PDS5A: variants seen among roughly 807,000 people sequenced by gnomAD.
The protein encoded by PDS5A is sister chromatid cohesion protein PDS5 homolog A.
Under a neutral mutation model 167.1 loss-of-function variants are expected in PDS5A, and 42 were observed. The ratio of observed to expected loss-of-function variants is 0.25; its 90% CI spans 0.20 to 0.33. The LOEUF is 0.33. Ranked by LOEUF, PDS5A falls within the 10% of genes least tolerant of loss-of-function variation. PDS5A has a pLI of 1.00. For synonymous variants in PDS5A, 553 were observed against 554.6 expected (o/e 1.00, Z 0.04); for missense variants, 1,033 against 1,605.9 (o/e 0.64, Z 6.10).
At chr4:39,836,473 C>T (rs1290790741) in intron 32 of PDS5A, among the ~76,000 whole-genome samples, 2 of 152,148 alleles carry the variant, frequency 1.3e-5, no homozygotes, top group East Asian at 1.9e-4. Flanking sequence ...CTCGCTTTGT[C>T]GCCCAGGCTG....
intron 2 of PDS5A, among the ~76,000 whole-genome samples, chr4:39,946,910 T>C (rs1727827702): frequency 6.6e-6 from 1 of 151,342 alleles, no homozygotes; most frequent in Non-Finnish European, 1.5e-5. Context: ...AAGACTTGTG[T>C]CTTGGGAAAA....
chr4:39,848,816 T>A lies in PDS5A; in HGVS notation c.3339+35A>T, dbSNP rs912528011. 7.8e-6 allele frequency: 12 copies of A among 1,531,664 alleles called. No individual in the cohort carries two copies. In the Admixed American group the frequency reaches 1.4e-4, roughly 17 times the overall value. 94.9% of individuals were successfully genotyped at this position (1,531,664 alleles called of 1,614,324 possible). ...ATGGTAATTGACATTGAAATCAGTT[T>A]AGTGTGGTAGGAAAAATGAGAGGAA... On this transcript the variant is annotated intron_variant, in intron 28 of 32. Transcript: ENST00000303538.
intron 2 of PDS5A, among the ~76,000 whole-genome samples, chr4:39,960,163 G>C (rs1189753884): frequency 6.6e-6 from 1 of 151,990 alleles, no homozygotes; most frequent in African/African-American, 2.4e-5. Flanking sequence ...CCAACTACTC[G>C]GGAGGCTAAG....
At chr4:39,858,542 C>T (rs895221513) in intron 26 of PDS5A, among the ~76,000 whole-genome samples, 2 of 152,142 alleles carry the variant, frequency 1.3e-5, no homozygotes, top group African/African-American at 2.4e-5. Context: ...TTACCTTATA[C>T]CACATGCAAC....
chr4:39,895,235 G>A (rs1272126736), intron 16 of PDS5A, among the ~76,000 whole-genome samples: 1 of 146,426 alleles, frequency 6.8e-6, no homozygotes, highest in East Asian at 2.0e-4. Context: ...GAAATGTGTT[G>A]TTAAGGCAAT....
chr4:39,920,478 C>A, intron 6 of PDS5A, 79 bp from the exon 7 acceptor site: 1 of 598,284 alleles, frequency 1.7e-6, no homozygotes, highest in Non-Finnish European at 3.0e-6. Flanking sequence ...CTGTAGTCTT[C>A]AAATCTGTAA....
At chr4:39,863,239 T>C in intron 24 of PDS5A, 97 bp downstream of exon 24, 2 of 1,008,914 alleles carry the variant, frequency 2.0e-6, no homozygotes, top group Non-Finnish European at 2.9e-6. Context: ...GTGACTTTTG[T>C]GCATATATTC....
At chr4:39,960,802 G>C (rs978269843) in intron 2 of PDS5A, among the ~76,000 whole-genome samples, 1 of 151,742 alleles carries the variant, frequency 6.6e-6, no homozygotes, top group East Asian at 1.9e-4. Flanking sequence ...CTATTCTCCT[G>C]CCTCAGCCTT....
intron 2 of PDS5A, among the ~76,000 whole-genome samples, chr4:39,936,486 G>C (rs150267775): frequency 6.6e-6 from 1 of 152,270 alleles, no homozygotes; most frequent in East Asian, 1.9e-4. Flanking sequence ...CCAGGCTGGA[G>C]TGCAGTGGCA....
At chr4:39,919,915 A>G (rs1724764464) in intron 7 of PDS5A, among the ~76,000 whole-genome samples, 1 of 152,022 alleles carries the variant, frequency 6.6e-6, no homozygotes, top group Non-Finnish European at 1.5e-5. Flanking sequence ...TTTTCTAAAT[A>G]AATCTCTGTA....
chr4:39,942,663 C>T (rs1466312121), intron 2 of PDS5A, among the ~76,000 whole-genome samples: 1 of 152,090 alleles, frequency 6.6e-6, no homozygotes, highest in Non-Finnish European at 1.5e-5. Context: ...TGGGCTCAAG[C>T]GATACACCTG....
At position 39,977,574 on chromosome 4, in the gene PDS5A, GCCGCCGCCCGC is replaced by G. The variant is rs918972067; in HGVS notation, c.-169_-159del. The stretch of plus-strand genomic sequence containing the variant: ...CTCCGCGGGTCCCGCCGCCGCCGCC[GCCGCCGCCCGC>G]CCGCCCGGGAGCGGCGCTGGGGCTG... On this transcript the variant is annotated 5_prime_UTR_variant, in exon 1 of 33. Coordinates refer to ENST00000303538, the MANE Select transcript of PDS5A (RefSeq NM_001100399.2). This position sits in a 1 kb window ranked among gnomAD's most constrained non-coding sequence, Gnocchi z 4.2. 6 of 162,264 alleles carry G rather than the reference GCCGCCGCCCGC, an allele frequency of 3.7e-5. No individual in the cohort carries two copies. Among genetic ancestry groups the G allele is most frequent in the Non-Finnish European group, 6.5e-5 (5 of 76,912 alleles). The allele number at this position is 162,264 out of a possible 1,614,324, so 10.1% of individuals were successfully genotyped here. A position where few individuals can be genotyped will look rare whatever the true frequency, so the allele number is the denominator to read the frequency against.
Position 39,849,552 on chromosome 4 carries a change from C to A in PDS5A, c.3187G>T (p.Ala1063Ser), listed in dbSNP as rs757319737. 1.1e-5 allele frequency: 18 copies of A among 1,611,156 alleles called. No homozygotes were observed. The highest frequency in any genetic ancestry group is 8.5e-7 in the Non-Finnish European group (1 of 1,177,834). Reference protein sequence around the residue: ...MAENIKLTRDAQSPDESKTNE... With the variant: ...MAENIKLTRDSQSPDESKTNE... ...GTCTTGGATTCATCTGGAGACTGGG[C>A]ATCTCTGGTTAACTTGATGTTCTCT... The change falls in exon 27 of 33, where the codon GCC becomes TCC. Residue 1063 changes from alanine to serine, a missense_variant. Around this residue, in one of 4 missense-constraint regions of PDS5A, gnomAD observed 367 missense variants for 686.7 expected, o/e 0.53. Transcript: ENST00000303538.
At chr4:39,895,718 G>T (rs1320576982) in intron 16 of PDS5A, among the ~76,000 whole-genome samples, 1 of 151,998 alleles carries the variant, frequency 6.6e-6, no homozygotes, top group Non-Finnish European at 1.5e-5. Flanking sequence ...GTTTGTTTTT[G>T]TTTGATTGTT....
At chr4:39,930,246 A>AATTTT in intron 2 of PDS5A, among the ~76,000 whole-genome samples, 1 of 93,090 alleles carries the variant, frequency 1.1e-5, no homozygotes, top group Non-Finnish European at 2.2e-5. Context: ...AAAAAAAAAA[A>AATTTT]GTTTTTTTGT....
At chr4:39,848,748 T>C in intron 28 of PDS5A, 103 bp downstream of exon 28, 1 of 1,041,780 alleles carries the variant, frequency 9.6e-7, no homozygotes, top group South Asian at 1.5e-5. Context: ...GATTTTTTCT[T>C]TACTCTGTGG....
chr4:39,928,274 C>T (rs1482539737), intron 2 of PDS5A, 110 bp from the exon 3 acceptor site: 4 of 632,688 alleles, frequency 6.3e-6, no homozygotes, highest in Non-Finnish European at 1.1e-5. Flanking sequence ...CGGTGGCCAC[C>T]AGACAGTTCA....
intron 13 of PDS5A, among the ~76,000 whole-genome samples, chr4:39,901,437 T>C (rs751051475): frequency 7.9e-5 from 12 of 151,948 alleles, no homozygotes; most frequent in Admixed American, 6.6e-5. Context: ...CCAACTAATA[T>C]TTTTGTATTT....
At chr4:39,956,507 A>T (rs1728940978) in intron 2 of PDS5A, among the ~76,000 whole-genome samples, 2 of 151,750 alleles carry the variant, frequency 1.3e-5, no homozygotes, top group South Asian at 4.1e-4. Flanking sequence ...AAAAAAAAAA[A>T]AAGTCTGATA....
Sources: allele counts gnomAD v4.1 joint callset (sites outside exome capture counted in the v4.1 genomes callset), GRCh38; gene constraint gnomAD v4.1.1; regional missense constraint gnomAD v4.1.1; non-coding constraint Gnocchi (gnomAD v3.1); transcripts MANE v1.5; gene names NCBI Gene and HGNC (gene_info 2026-07-23, HGNC 2026-07-21).